RAD51C: variants seen among roughly 807,000 people sequenced by gnomAD.
The protein encoded by RAD51C is RAD51 paralog C.
A neutral mutation model predicts 45.0 loss-of-function variants in RAD51C; 42 were observed. That is an observed-to-expected ratio of 0.93 (90% confidence interval 0.73 to 1.21). The LOEUF is 1.21. RAD51C is among the 50% of genes most tolerant of loss of function. The pLI is 0.00. For missense variants in RAD51C, 474 were observed against 452.2 expected (o/e 1.05, Z -0.44); for synonymous variants, 172 against 159.8 (o/e 1.08, Z -0.58).
intron 4 of RAD51C, among the ~76,000 whole-genome samples, chr17:58,707,060 C>G (rs2048401337): frequency 6.6e-6 from 1 of 152,142 alleles, no homozygotes; most frequent in Admixed American, 6.5e-5. Context: ...AAGCCACTTC[C>G]TCTACACTTT....
Position 58,734,283 on chromosome 17 carries a change from T to C in RAD51C, c.*61T>C. The C allele has an allele frequency of 1.3e-6, 2 of 1,569,936 alleles. No individual in the cohort carries two copies. Among genetic ancestry groups the C allele is most frequent in the Non-Finnish European group, 1.7e-6 (2 of 1,154,632 alleles). ...ATGTTGTGAAATCAATGTGTACAAG[T>C]GGACTTGTTACCTTAAAGTATAAAT... On this transcript the variant is annotated 3_prime_UTR_variant, in exon 9 of 9. Coordinates refer to ENST00000337432, the MANE Select transcript of RAD51C (RefSeq NM_058216.3).
intron 7 of RAD51C, among the ~76,000 whole-genome samples, chr17:58,726,931 C>A (rs1217813838): frequency 2.0e-5 from 3 of 151,940 alleles, no homozygotes; most frequent in African/African-American, 7.3e-5. Context: ...CGCCATTCTC[C>A]TGCCTCAGCC....
chr17:58,721,746 T>TGAAA (rs1462016562), intron 6 of RAD51C, among the ~76,000 whole-genome samples: 1 of 149,590 alleles, frequency 6.7e-6, no homozygotes, highest in Non-Finnish European at 1.5e-5. Context: ...GCAACAAGAG[T>TGAAA]GAAACTCTGT....
At chr17:58,703,461 C>T in intron 4 of RAD51C, 132 bp downstream of exon 4, 1 of 895,130 alleles carries the variant, frequency 1.1e-6, no homozygotes, top group Admixed American at 2.5e-5. Context: ...CCTTCCTTGA[C>T]CTACAATTTA....
At chr17:58,694,395 G>A (rs2047915128) in intron 1 of RAD51C, 1 of 159,034 alleles carries the variant, frequency 6.3e-6, no homozygotes, top group African/African-American at 2.4e-5. Flanking sequence ...TAGGTACTCA[G>A]AAATGCTTTA....
intron 7 of RAD51C, among the ~76,000 whole-genome samples, chr17:58,727,936 T>TAA (rs768880216): frequency 7.3e-5 from 10 of 136,910 alleles, no homozygotes; most frequent in Admixed American, 3.7e-4. Context: ...TCTAAGATAT[T>TAA]AAAAAAAAAA....
In RAD51C at chr17:58,732,919, C is replaced by T. The variant is rs28363330; in HGVS notation, c.1026+375C>T. The stretch of plus-strand genomic sequence containing the variant: ...CTATTGTAGCACCAAATATAGCCCA[C>T]TTTAAGATGTTAATTCTTCTGTGAA... On this transcript the variant is annotated intron_variant, in intron 8 of 8. Coordinates refer to ENST00000337432, the MANE Select transcript of RAD51C (RefSeq NM_058216.3). 2.2e-3 allele frequency among the ~76,000 whole-genome samples: 335 copies of T among 152,296 alleles called. 2 individuals are homozygous for T. Among genetic ancestry groups the T allele is most frequent in the Middle Eastern group, 6.8e-3 (2 of 294 alleles).
chr17:58,734,063 A>C, intron 8 of RAD51C, 55 bp from the exon 9 acceptor site: 1 of 1,562,570 alleles, frequency 6.4e-7, no homozygotes, highest in Non-Finnish European at 8.7e-7. Flanking sequence ...TATTTCTAAG[A>C]TCAGTCTTCA....
chr17:58,703,832 T>A (rs2048290510), intron 4 of RAD51C, among the ~76,000 whole-genome samples: 2 of 151,298 alleles, frequency 1.3e-5, no homozygotes, highest in Non-Finnish European at 2.9e-5. Flanking sequence ...GTAGCTGTAG[T>A]CTCAGCTACC....
chr17:58,703,320 A>T lies in RAD51C; in HGVS notation c.696A>T (p.Glu232Asp), dbSNP rs786201177. The T allele has an allele frequency of 1.9e-6, 3 of 1,612,134 alleles. No individual in the cohort carries two copies. Among genetic ancestry groups the T allele is most frequent in the Non-Finnish European group, 2.5e-6 (3 of 1,178,502 alleles). ...ATCTTCTTCCAGATTTCCTTTCAGA[A>T]CACTCAAAGGTATGAGTCAGACTAC... The part of the protein sequence containing the change: ...QVYLLPDFLS[E>D]HSKVRLVIVD... The change falls in exon 4 of 9, where the codon GAA becomes GAT. Residue 232 changes from glutamate (E) to aspartate (D), a missense_variant. Coordinates refer to ENST00000337432, the MANE Select transcript of RAD51C (RefSeq NM_058216.3).
chr17:58,708,100 A>G (rs2048433395), intron 4 of RAD51C, among the ~76,000 whole-genome samples: 1 of 152,184 alleles, frequency 6.6e-6, no homozygotes, highest in African/African-American at 2.4e-5. Context: ...GTCATGAAAA[A>G]TCGAATCAAC....
Position 58,709,925 on chromosome 17 carries a change from C to T in RAD51C, c.772C>T (p.Arg258Cys), listed in dbSNP as rs587782474. 25 of 1,611,814 alleles carry T rather than the reference C, an allele frequency of 1.6e-5. No homozygotes were observed. Among genetic ancestry groups the T allele is most frequent in the Non-Finnish European group, 2.0e-5 (24 of 1,178,166 alleles). ...TCATGACCTAGATGACCTGTCTCTT[C>T]GTACTCGGTTATTAAATGGCCTAGC... ...FRHDLDDLSL[R>C]TRLLNGLAQQ... Residue 258 changes from arginine (R) to cysteine (C), a missense_variant, in exon 5 of 9, where the codon CGT becomes TGT. Physicochemically the swap from Arg to Cys is radical, Grantham distance 180. Transcript: ENST00000337432.
intron 7 of RAD51C, among the ~76,000 whole-genome samples, chr17:58,730,952 C>G (rs998337278): frequency 6.6e-6 from 1 of 152,070 alleles, no homozygotes; most frequent in Non-Finnish European, 1.5e-5. Flanking sequence ...TTTTTTACCC[C>G]CAGCCCCTGA....
intron 5 of RAD51C, among the ~76,000 whole-genome samples, chr17:58,711,534 C>T (rs1420432859): frequency 2.0e-5 from 3 of 152,060 alleles, no homozygotes; most frequent in Non-Finnish European, 4.4e-5. Flanking sequence ...AATCAGGGCT[C>T]GCCACAGCCT....
At chr17:58,718,704 C>T (rs2048819442) in intron 5 of RAD51C, among the ~76,000 whole-genome samples, 1 of 152,122 alleles carries the variant, frequency 6.6e-6, no homozygotes, top group Admixed American at 6.6e-5. Flanking sequence ...TTTGACCTGA[C>T]TACTAGGATT....
chr17:58,694,555 G>A (rs138914337), intron 1 of RAD51C: 1 of 288,088 alleles, frequency 3.5e-6, no homozygotes, highest in Non-Finnish European at 6.8e-6. Flanking sequence ...ATCCAGGCTG[G>A]AGTGCAGTGG....
At chr17:58,716,315 A>G (rs778204928) in intron 5 of RAD51C, among the ~76,000 whole-genome samples, 1 of 152,170 alleles carries the variant, frequency 6.6e-6, no homozygotes, top group Non-Finnish European at 1.5e-5. Context: ...TAGTGCGTAA[A>G]CTAAGTACTC....
At chr17:58,726,966 G>A (rs371197880) in intron 7 of RAD51C, among the ~76,000 whole-genome samples, 2 of 151,894 alleles carry the variant, frequency 1.3e-5, no homozygotes, top group African/African-American at 2.4e-5. Flanking sequence ...TACTACAGGC[G>A]CCTGCCACCA....
intron 3 of RAD51C, among the ~76,000 whole-genome samples, chr17:58,697,877 T>TA (rs1312871393): frequency 6.6e-6 from 1 of 151,508 alleles, no homozygotes; most frequent in Non-Finnish European, 1.5e-5. Context: ...CACGCCCAGT[T>TA]AATTTTGTAT....
Sources: allele counts gnomAD v4.1 joint callset (sites outside exome capture counted in the v4.1 genomes callset), GRCh38; gene constraint gnomAD v4.1.1; transcripts MANE v1.5; gene names NCBI Gene and HGNC (gene_info 2026-07-23, HGNC 2026-07-21).